Variants in NMBR observed in about 807,000 individuals in gnomAD.
NMBR encodes the protein neuromedin B receptor, also known as neuromedin-B receptor.
NMBR carries 16 observed loss-of-function variants against 20.5 expected under a neutral mutation model. The observed-to-expected ratio is 0.78, with a 90% CI of 0.53 to 1.19. The LOEUF (loss-of-function observed/expected upper bound fraction) is 1.19, where lower values mean the gene tolerates loss of function less well. Ranked by LOEUF, NMBR falls within the 50% of genes most tolerant of loss-of-function variation. NMBR has a pLI of 0.00. For missense variants in NMBR, 582 were observed against 499.1 expected, an observed-to-expected ratio of 1.17 and a Z score of -1.58; for synonymous variants, 212 against 196.6, an observed-to-expected ratio of 1.08 and a Z score of -0.65.
intron 2 of NMBR, among the ~76,000 whole-genome samples, chr6:142,079,316 T>G (rs1202783300): frequency 6.6e-6 from 1 of 152,156 alleles, no homozygotes; most frequent in East Asian, 1.9e-4. Context: ...TGCTTAAAAG[T>G]GTATGGAAGA....
At chr6:142,094,548 C>T (rs1456759943) in intron 1 of NMBR, among the ~76,000 whole-genome samples, 1 of 152,178 alleles carries the variant, frequency 6.6e-6, no homozygotes, top group Non-Finnish European at 1.5e-5. Context: ...GTTTTGGCTA[C>T]TGTAGCCTTG....
intron 1 of NMBR, among the ~76,000 whole-genome samples, chr6:142,118,172 C>T (rs1482047302): frequency 6.6e-6 from 1 of 151,846 alleles, no homozygotes; most frequent in Admixed American, 6.6e-5. Flanking sequence ...AGTTCTGGTG[C>T]CATAATGTTC....
intron 1 of NMBR, among the ~76,000 whole-genome samples, chr6:142,136,893 C>G (rs1202067869): frequency 6.6e-6 from 1 of 152,170 alleles, no homozygotes; most frequent in Non-Finnish European, 1.5e-5. Flanking sequence ...GTTTTGGTTA[C>G]TGTAGCCTTG....
chr6:142,121,649 T>G (rs1777945264), intron 1 of NMBR, among the ~76,000 whole-genome samples: 1 of 151,824 alleles, frequency 6.6e-6, no homozygotes, highest in Non-Finnish European at 1.5e-5. Context: ...CTCCCTAGTC[T>G]CAAGATGTAA....
chr6:142,137,792 T>C (rs922781000), intron 1 of NMBR, among the ~76,000 whole-genome samples: 5 of 152,190 alleles, frequency 3.3e-5, no homozygotes, highest in Non-Finnish European at 7.3e-5. Flanking sequence ...TATGCTGGAT[T>C]ACATTTATTG....
chr6:142,075,446 A>G lies in NMBR; in HGVS notation c.*202T>C, dbSNP rs180808089. 6.6e-6 allele frequency among the ~76,000 whole-genome samples: 1 copy of G among 152,274 alleles called. No individual in the cohort carries two copies. The highest frequency in any genetic ancestry group is 6.5e-5 in the Admixed American group (1 of 15,288). ...ATATATGTATTATATGTAGTGATTT[A>G]AAGTCTTTTCTCATATTCTAATTAT... On this transcript the variant is annotated 3_prime_UTR_variant, in exon 4 of 4. Coordinates refer to ENST00000258042, the MANE Select transcript of NMBR (RefSeq NM_002511.4).
chr6:142,086,261 T>C (rs1777197129), intron 2 of NMBR, among the ~76,000 whole-genome samples: 1 of 152,122 alleles, frequency 6.6e-6, no homozygotes, highest in South Asian at 2.1e-4. Flanking sequence ...AGTTTTTAAT[T>C]TAAATAAAAT....
At chr6:142,127,616 C>T (rs1297440995) in intron 1 of NMBR, among the ~76,000 whole-genome samples, 1 of 151,924 alleles carries the variant, frequency 6.6e-6, no homozygotes, top group East Asian at 1.9e-4. Flanking sequence ...TTTTCCAATA[C>T]ATGCATATGA....
intron 1 of NMBR, among the ~76,000 whole-genome samples, chr6:142,097,597 T>C (rs752310763): frequency 1.3e-5 from 2 of 152,104 alleles, no homozygotes; most frequent in Admixed American, 6.6e-5. Flanking sequence ...TATTGTAAAC[T>C]GGGGGCTGTC....
At chr6:142,118,669 T>G (rs1034674522) in intron 1 of NMBR, among the ~76,000 whole-genome samples, 3 of 151,980 alleles carry the variant, frequency 2.0e-5, no homozygotes, top group Non-Finnish European at 2.9e-5. Context: ...ATAGAAAACA[T>G]TTACAGACTT....
intron 1 of NMBR, chr6:142,135,292 C>A (rs1430965233): frequency 6.5e-6 from 1 of 153,482 alleles, no homozygotes; most frequent in African/African-American, 2.4e-5. Flanking sequence ...AAGTCATAAT[C>A]CAGATATTTA....
At chr6:142,134,130 G>T in intron 1 of NMBR, 7 of 498,590 alleles carry the variant, frequency 1.4e-5, no homozygotes, top group South Asian at 3.9e-5. Flanking sequence ...TACCCTAACA[G>T]GTTTTTTGTT....
At chr6:142,094,186 T>C (rs1777396066) in intron 1 of NMBR, among the ~76,000 whole-genome samples, 1 of 152,116 alleles carries the variant, frequency 6.6e-6, no homozygotes, top group Non-Finnish European at 1.5e-5. Flanking sequence ...TGGCTTTTGT[T>C]GCCATTGCTT....
intron 1 of NMBR, among the ~76,000 whole-genome samples, chr6:142,131,575 C>G (rs78340787): frequency 0.044 from 6,666 of 152,228 alleles, 250 homozygotes; most frequent in Non-Finnish European, 0.061. Context: ...TGAGATCAGT[C>G]TCACTAAGGA....
rs910105108 is a variant in NMBR at position 142,082,292 on chromosome 6, C to G, written c.423-3389G>C. 3.3e-5 allele frequency among the ~76,000 whole-genome samples: 5 copies of G among 152,258 alleles called. No individual in the cohort carries two copies. The East Asian group carries it at 9.7e-4, about 29-fold the overall frequency. On this transcript the variant is annotated intron_variant, in intron 2 of 3. Transcript: ENST00000258042. ...TCTAATACACAACACAATGCCTGGC[C>G]TGGCCAGTAGAGTCTATAGGGTCTC...
At chr6:142,077,868 T>A (rs1021002638) in intron 3 of NMBR, among the ~76,000 whole-genome samples, 4 of 152,248 alleles carry the variant, frequency 2.6e-5, no homozygotes, top group African/African-American at 9.6e-5. Flanking sequence ...TTTCTCTTTG[T>A]GTATTAACAC....
rs759426469 is a variant in NMBR at position 142,075,780 on chromosome 6, T to C, written c.1041A>G (p.Gln347=). 1.2e-6 allele frequency: 2 copies of C among 1,614,084 alleles called. No homozygotes were observed. The highest frequency in any genetic ancestry group is 2.2e-5 in the South Asian group (2 of 91,080). The change falls in exon 4 of 4, where the codon CAA becomes CAG. Residue 347 remains glutamine, a synonymous_variant. Transcript: ENST00000258042. ...TGAGTAGGTAGCTGGTTCCTCTCTC[T>C]TGATAGGACTTCCTCCCACAGCAGA... The part of the protein sequence containing the change: ...SQLCCGRKSY[Q]ERGTSYLLSS...
intron 1 of NMBR, among the ~76,000 whole-genome samples, chr6:142,104,634 A>T (rs187039177): frequency 6.6e-6 from 1 of 152,352 alleles, no homozygotes; most frequent in Non-Finnish European, 1.5e-5. Flanking sequence ...AAAATAAAAA[A>T]CCTGTACTCT....
Position 142,075,177 on chromosome 6 carries a change from AT to A in NMBR, c.*470del. 6.6e-6 allele frequency among the ~76,000 whole-genome samples: 1 copy of A among 152,166 alleles called. No homozygotes were observed. Among genetic ancestry groups the A allele is most frequent in the East Asian group, 1.9e-4 (1 of 5,168 alleles). On this transcript the variant is annotated 3_prime_UTR_variant, in exon 4 of 4. Transcript: ENST00000258042. ...AATTCACCAGGACAATCTGACTTGT[AT>A]TTCAAATAATAGGAGTTTGAATATT... is the stretch of plus-strand genomic sequence containing the variant.
Sources: allele counts gnomAD v4.1 joint callset (sites outside exome capture counted in the v4.1 genomes callset), GRCh38; gene constraint gnomAD v4.1.1; transcripts MANE v1.5; gene names NCBI Gene and HGNC (gene_info 2026-07-23, HGNC 2026-07-21).